TTBK2: variants seen among roughly 807,000 people sequenced by gnomAD.
TTBK2 encodes tau tubulin kinase 2.
TTBK2 carries 28 observed loss-of-function variants against 110.8 expected under a neutral mutation model. The observed-to-expected ratio is 0.25, with a 90% confidence interval of 0.19 to 0.35. The LOEUF (loss-of-function observed/expected upper bound fraction) is 0.35, where lower values mean the gene tolerates loss of function less well. TTBK2 is among the 10% of genes least tolerant of loss of function. The pLI, the probability that TTBK2 is intolerant of heterozygous loss-of-function variation, is 1.00. For missense variants in TTBK2, 1,369 were observed against 1,500.3 expected, an observed-to-expected ratio of 0.91 and a Z score of 1.45; for synonymous variants, 532 against 527.3, an observed-to-expected ratio of 1.01 and a Z score of -0.12.
intron 1 of TTBK2, among the ~76,000 whole-genome samples, chr15:42,908,974 T>C (rs1017216780): frequency 6.6e-6 from 1 of 152,214 alleles, no homozygotes; most frequent in East Asian, 1.9e-4. Context: ...ACAAATTTAG[T>C]GGCAAAAAAC....
chr15:42,829,460 G>A (rs1051659738), intron 5 of TTBK2, among the ~76,000 whole-genome samples: 27 of 152,178 alleles, frequency 1.8e-4, no homozygotes, highest in Admixed American at 1.7e-3. Context: ...AAGAAACCAG[G>A]GAATAATGCC....
At chr15:42,751,178 C>G (rs748489637) in intron 14 of TTBK2, among the ~76,000 whole-genome samples, 3 of 152,082 alleles carry the variant, frequency 2.0e-5, no homozygotes, top group Non-Finnish European at 2.9e-5. Flanking sequence ...AGTTAAAATT[C>G]CACATTTTGT....
At chr15:42,841,630 G>A (rs76598213) in intron 3 of TTBK2, among the ~76,000 whole-genome samples, 2,352 of 152,262 alleles carry the variant, frequency 0.015, 32 homozygotes, top group Non-Finnish European at 0.025. Flanking sequence ...CTAAAACACT[G>A]TGGCGGCAAT....
chr15:42,766,416 C>T (rs183050940), intron 13 of TTBK2, among the ~76,000 whole-genome samples: 30 of 110,028 alleles, frequency 2.7e-4, no homozygotes, highest in Admixed American at 8.5e-4. Context: ...AATAAAGGGA[C>T]GAAGGAAGAT....
chr15:42,785,575 A>G (rs1890375672), intron 10 of TTBK2, among the ~76,000 whole-genome samples: 1 of 152,166 alleles, frequency 6.6e-6, no homozygotes, highest in East Asian at 1.9e-4. Context: ...AATAGCAAAT[A>G]TTAATTGGTA....
In TTBK2 at chr15:42,815,961, ATAT is replaced by A. The variant is rs1173143759; in HGVS notation, c.603+1068_603+1070del. Among the ~76,000 whole-genome samples the A allele has an allele frequency of 1.1e-3, 94 of 88,264 alleles. 1 individual carries two copies. Among genetic ancestry groups the A allele is most frequent in the Non-Finnish European group, 1.0e-3 (47 of 46,752 alleles). The allele number at this position is 88,264 out of a possible 152,430, so 57.9% of individuals were successfully genotyped here. A position where few individuals can be genotyped will look rare whatever the true frequency, so the allele number is the denominator to read the frequency against. ...ATATATATATATTTAAAAAAAAAAT[ATAT>A]ATATATATATATATTTGAGACGGAG... On this transcript the variant is annotated intron_variant, in intron 7 of 14. Transcript: ENST00000267890.
chr15:42,796,408 AAG>A (rs200371406), intron 9 of TTBK2, among the ~76,000 whole-genome samples: 2 of 152,020 alleles, frequency 1.3e-5, no homozygotes, highest in South Asian at 2.1e-4. Flanking sequence ...CTCAAAAAAA[AAG>A]AGAGAGAGAG....
chr15:42,914,967 T>C (rs897104042), intron 1 of TTBK2, among the ~76,000 whole-genome samples: 2 of 152,192 alleles, frequency 1.3e-5, no homozygotes, highest in Non-Finnish European at 2.9e-5. Context: ...CAAAAGTGAG[T>C]AGATTATTTG....
At chr15:42,893,140 A>G (rs1895529784) in intron 1 of TTBK2, among the ~76,000 whole-genome samples, 2 of 152,228 alleles carry the variant, frequency 1.3e-5, no homozygotes, top group South Asian at 4.1e-4. Context: ...AAAAAGGAAA[A>G]TAAAACATAT....
intron 13 of TTBK2, among the ~76,000 whole-genome samples, chr15:42,755,006 C>A (rs1472948596): frequency 1.4e-5 from 1 of 72,308 alleles, no homozygotes; most frequent in Non-Finnish European, 2.4e-5. Context: ...GAAGCTCCAT[C>A]TCAGGAAAAA....
chr15:42,756,459 G>A (rs1027999828), intron 13 of TTBK2, among the ~76,000 whole-genome samples: 1 of 151,858 alleles, frequency 6.6e-6, no homozygotes, highest in African/African-American at 2.4e-5. Flanking sequence ...GATGGCGGGT[G>A]CCTGTAATAC....
Position 42,739,358 on chromosome 15 carries a change from T to C in TTBK2, c.*6437A>G, listed in dbSNP as rs1273357798. On this transcript the variant is annotated 3_prime_UTR_variant, in exon 15 of 15. Transcript: ENST00000267890. Reference sequence around the variant, plus strand: ...TTGTTCAACAAGAAAGAATTCTGGTTTGTGGCTGAATCTGATTTAACAGCT... The same window carrying C: ...TTGTTCAACAAGAAAGAATTCTGGTCTGTGGCTGAATCTGATTTAACAGCT... The C allele has an allele frequency of 6.6e-6, 1 of 152,252 alleles. No individual in the cohort carries two copies. Among genetic ancestry groups the C allele is most frequent in the African/African-American group, 2.4e-5 (1 of 41,468 alleles). 9.4% of individuals were successfully genotyped at this position (152,252 alleles called of 1,614,324 possible).
Position 42,745,627 on chromosome 15 carries a change from A to T in TTBK2, c.*168T>A. ...TCCTAATCTACTTGCTGCCTGCCTT[A>T]GGTAATTCCTTATCATGTATTATGT... On this transcript the variant is annotated 3_prime_UTR_variant, in exon 15 of 15. Transcript: ENST00000267890. 1.2e-6 allele frequency: 1 copy of T among 825,876 alleles called. No individual in the cohort carries two copies. The highest frequency in any genetic ancestry group is 2.0e-6 in the Non-Finnish European group (1 of 502,602). 51.2% of individuals were successfully genotyped at this position (825,876 alleles called of 1,614,324 possible).
chr15:42,786,010 A>G (rs1890397809), intron 10 of TTBK2, among the ~76,000 whole-genome samples: 1 of 152,116 alleles, frequency 6.6e-6, no homozygotes. Context: ...TGACTTGGTA[A>G]CCGATGACCT....
intron 13 of TTBK2, among the ~76,000 whole-genome samples, chr15:42,754,648 C>T (rs1278894958): frequency 6.8e-6 from 1 of 147,542 alleles, no homozygotes. Flanking sequence ...CCACCCACCT[C>T]GGCCTCCCAA....
intron 1 of TTBK2, among the ~76,000 whole-genome samples, chr15:42,901,615 TA>T (rs770303940): frequency 0.018 from 2,071 of 117,198 alleles, 31 homozygotes; most frequent in African/African-American, 0.043. Context: ...ACCTCGTCTC[TA>T]AAAAAAAAAA....
Position 42,777,246 on chromosome 15 carries a change from T to C in TTBK2, c.1198-4A>G. ...TGTTCTCCTCTTCAGTAGCAGCCTATCCAAAATATAAAATAAAATCATGAA... is the reference window on the plus strand; with the variant it reads ...TGTTCTCCTCTTCAGTAGCAGCCTACCCAAAATATAAAATAAAATCATGAA... On this transcript the variant is annotated splice_region_variant and splice_polypyrimidine_tract_variant and intron_variant, in intron 11 of 14. Transcript: ENST00000267890. 6.2e-7 allele frequency: 1 copy of C among 1,613,898 alleles called. No homozygotes were observed. Among genetic ancestry groups the C allele is most frequent in the Non-Finnish European group, 8.5e-7 (1 of 1,179,860 alleles).
Position 42,752,780 on chromosome 15 carries a change from A to G in TTBK2, c.2466T>C (p.Pro822=), listed in dbSNP as rs1595877466. The change falls in exon 14 of 15, where the codon CCT becomes CCC. Residue 822 remains proline, a synonymous_variant. Coordinates refer to ENST00000267890, the MANE Select transcript of TTBK2 (RefSeq NM_173500.4). The part of the protein sequence containing the change: ...VEKDHSATTE[P]LDVTKTQTFS... ...AAGTCTGTGTTTTTGTCACATCAAG[A>G]GGTTCAGTAGTAGCTGAGTGATCCT... 3 of 1,614,058 alleles carry G rather than the reference A, an allele frequency of 1.9e-6. No individual in the cohort carries two copies. The African/African-American group carries it at 4.0e-5, about 22-fold the overall frequency.
intron 2 of TTBK2, among the ~76,000 whole-genome samples, chr15:42,876,224 A>C (rs1013634095): frequency 2.6e-5 from 4 of 152,188 alleles, no homozygotes; most frequent in Non-Finnish European, 5.9e-5. Flanking sequence ...TAACTAAAAC[A>C]CCATCCATAA....
Sources: allele counts gnomAD v4.1 joint callset (sites outside exome capture counted in the v4.1 genomes callset), GRCh38; gene constraint gnomAD v4.1.1; transcripts MANE v1.5; gene names NCBI Gene and HGNC (gene_info 2026-07-23, HGNC 2026-07-21).